The following DIXDC1 variants were observed in gnomAD, a reference collection of about 807,000 sequenced individuals.
DIXDC1 encodes DIX domain containing 1, also known as dixin.
DIXDC1 carries 64 observed loss-of-function variants against 103.1 expected under a neutral mutation model. The ratio of observed to expected loss-of-function variants is 0.62; its 90% confidence interval spans 0.51 to 0.76. The LOEUF (loss-of-function observed/expected upper bound fraction) is 0.76, where lower values mean the gene tolerates loss of function less well. Among genes scored for constraint, DIXDC1 ranks in the 30% least tolerant of loss-of-function variants. The pLI is 0.00. For missense variants in DIXDC1, 759 were observed against 834.2 expected (o/e 0.91, Z 1.11); for synonymous variants, 266 against 298.5 (o/e 0.89, Z 1.12).
rs1860154232 is a variant in DIXDC1 at position 111,977,591 on chromosome 11, G to A, written c.656+2608G>A. The A allele has an allele frequency of 6.0e-6, 9 of 1,506,820 alleles. No homozygotes were observed. The South Asian group carries it at 8.9e-5, about 15-fold the overall frequency. The allele number at this position is 1,506,820 out of a possible 1,614,324, so 93.3% of individuals were successfully genotyped here. On this transcript the variant is annotated intron_variant, in intron 5 of 19. Transcript: ENST00000440460. This position sits in a 1 kb window ranked among gnomAD's most constrained non-coding sequence, Gnocchi z 6.1. ...TCGCTGGGGCCGAGACGCCGCCGCC[G>A]CCGCCGTTCCCGCTTTCTCCCGCGA... is the stretch of plus-strand genomic sequence containing the variant.
chr11:111,970,454 A>G (rs1859881529), intron 3 of DIXDC1, among the ~76,000 whole-genome samples: 1 of 152,210 alleles, frequency 6.6e-6, no homozygotes, highest in African/African-American at 2.4e-5. Context: ...CACACACAAA[A>G]AAGAAATATC....
rs960083760 is a variant in DIXDC1, at chr11:111,937,755, A to C, written c.60+196A>C. On this transcript the variant is annotated intron_variant, in intron 1 of 19. Transcript: ENST00000440460. ...GAAATCAGAAGGGCTGCCTGCCCAC[A>C]GCTAAGCTGGGCCATGACCTTCCCT... Among the ~76,000 whole-genome samples the C allele has an allele frequency of 3.9e-5, 6 of 152,358 alleles. No individual in the cohort carries two copies. In the East Asian group the frequency reaches 1.2e-3, roughly 29 times the overall value.
chr11:111,992,598 G>C, intron 11 of DIXDC1, 79 bp downstream of exon 11: 1 of 1,260,640 alleles, frequency 7.9e-7, no homozygotes, highest in Non-Finnish European at 1.1e-6. Context: ...TATTAGACTG[G>C]CCATCCTAAT....
intron 1 of DIXDC1, among the ~76,000 whole-genome samples, chr11:111,944,512 A>G (rs1287923237): frequency 6.6e-6 from 1 of 152,242 alleles, no homozygotes; most frequent in Non-Finnish European, 1.5e-5. Context: ...GGTCCCAAAG[A>G]AAAACAGGAA....
At chr11:111,936,981 G>A (rs1966209269), upstream of DIXDC1, among the ~76,000 whole-genome samples, 1 of 149,642 alleles carries the variant, frequency 6.7e-6, no homozygotes, top group Admixed American at 6.6e-5. Context: ...CCGCCTGTTT[G>A]TCAACGTGTG....
intron 1 of DIXDC1, among the ~76,000 whole-genome samples, chr11:111,942,956 A>AC (rs782087894): frequency 6.6e-6 from 1 of 152,184 alleles, no homozygotes; most frequent in Admixed American, 6.5e-5. Context: ...GGCAACTTGA[A>AC]CACAAGCACT....
At position 112,020,677 on chromosome 11, in the gene DIXDC1, C is replaced by G. The variant is rs1861728690; in HGVS notation, c.*1641C>G. On this transcript the variant is annotated 3_prime_UTR_variant, in exon 20 of 20. Coordinates refer to ENST00000440460, the MANE Select transcript of DIXDC1 (RefSeq NM_001037954.4). ...TTTATTACGAGTATATTAATGACAA[C>G]TAATTCCTGTTCCAATTCTACCTGT... 1 of 152,186 alleles carries G rather than the reference C, an allele frequency of 6.6e-6. No individual in the cohort carries two copies. The highest frequency in any genetic ancestry group is 1.5e-5 in the Non-Finnish European group (1 of 68,034). The allele number at this position is 152,186 out of a possible 1,614,324, so 9.4% of individuals were successfully genotyped here.
intron 9 of DIXDC1, among the ~76,000 whole-genome samples, chr11:111,988,500 C>T (rs936111029): frequency 4.6e-5 from 7 of 152,140 alleles, no homozygotes; most frequent in African/African-American, 1.7e-4. Context: ...GTTAATTACT[C>T]AGTATTTCAT....
At chr11:112,004,401 A>G (rs989475111) in intron 17 of DIXDC1, among the ~76,000 whole-genome samples, 1 of 152,142 alleles carries the variant, frequency 6.6e-6, no homozygotes, top group Admixed American at 6.6e-5. Context: ...TCCCTGCTCT[A>G]GGCAAAGGTG....
At position 111,977,824 on chromosome 11, in the gene DIXDC1, TG is replaced by T; in HGVS notation, c.656+2847del. On this transcript the variant is annotated intron_variant, in intron 5 of 19. Transcript: ENST00000440460. The surrounding 1 kb of genome is among the most constrained non-coding windows in gnomAD (Gnocchi z 6.1). ...GCTGAAGCCACTCTGGCTTTGGAAG[TG>T]GGGGGCCTGGGTGGGAACAGGGGCA... The T allele has an allele frequency of 1.3e-6, 2 of 1,539,096 alleles. No individual in the cohort carries two copies. The highest frequency in any genetic ancestry group is 8.8e-7 in the Non-Finnish European group (1 of 1,141,896).
At position 111,985,318 on chromosome 11, in the gene DIXDC1, A is replaced by G. The variant is rs1051184045; in HGVS notation, c.1005A>G (p.Gln335=). ...LCEPGVNPEE[Q]LIIIQSRLDQ... is the part of the protein sequence containing the mutation. ...AACCAGGTGTCAATCCCGAGGAACA[A>G]CTGGTGAGCTCCATCTTTTGTGATT... The change falls in exon 8 of 20, where the codon CAA becomes CAG. Residue 335 remains glutamine, a synonymous_variant. Coordinates refer to ENST00000440460, the MANE Select transcript of DIXDC1 (RefSeq NM_001037954.4). 8.7e-6 allele frequency: 14 copies of G among 1,611,554 alleles called. No individual in the cohort carries two copies. The highest frequency in any genetic ancestry group is 1.1e-5 in the Non-Finnish European group (13 of 1,178,790).
intron 16 of DIXDC1, among the ~76,000 whole-genome samples, chr11:111,995,775 A>G (rs1860878900): frequency 6.6e-6 from 1 of 151,968 alleles, no homozygotes; most frequent in African/African-American, 2.4e-5. Context: ...ACTTGCTCCC[A>G]GCAACTGTAG....
At chr11:111,940,378 A>G (rs1555168696) in intron 1 of DIXDC1, among the ~76,000 whole-genome samples, 1 of 152,196 alleles carries the variant, frequency 6.6e-6, no homozygotes, top group East Asian at 1.9e-4. Flanking sequence ...CCTGGCTGTC[A>G]TCCCCCATTT....
At chr11:111,957,038 T>C (rs1441480188) in intron 1 of DIXDC1, among the ~76,000 whole-genome samples, 1 of 151,904 alleles carries the variant, frequency 6.6e-6, no homozygotes, top group Non-Finnish European at 1.5e-5. Context: ...CTGAGCATGG[T>C]GGTGCATGCC....
intron 1 of DIXDC1, among the ~76,000 whole-genome samples, chr11:111,940,134 G>A (rs1045944339): frequency 1.3e-5 from 2 of 152,220 alleles, no homozygotes; most frequent in African/African-American, 2.4e-5. Flanking sequence ...CCTGCCCTCT[G>A]AATCCTGGCT....
intron 11 of DIXDC1, 143 bp downstream of exon 11, chr11:111,992,662 C>T (rs1592606300): frequency 2.6e-6 from 2 of 756,474 alleles, no homozygotes; most frequent in East Asian, 2.7e-5. Flanking sequence ...TATTTTTATT[C>T]CCCATTAGAC....
intron 3 of DIXDC1, among the ~76,000 whole-genome samples, chr11:111,972,531 C>T (rs1859969665): frequency 6.6e-6 from 1 of 152,168 alleles, no homozygotes; most frequent in Non-Finnish European, 1.5e-5. Flanking sequence ...TCATGCCACT[C>T]CTCCGTATCT....
chr11:111,993,507 G>A lies in DIXDC1; in HGVS notation c.1284G>A (p.Gly428=). 1.2e-6 allele frequency: 2 copies of A among 1,613,992 alleles called. No individual in the cohort carries two copies. Among genetic ancestry groups the A allele is most frequent in the Non-Finnish European group, 1.7e-6 (2 of 1,179,884 alleles). ...TATCTTTATTGCAGAAAGAGCTGGG[G>A]CAGAAGGATCGCCTTCTTCAGCAGC... ...RLLGEYKKEL[G]QKDRLLQQHQ... The change falls in exon 13 of 20, where the codon GGG becomes GGA. Residue 428 remains glycine, a synonymous_variant. Coordinates refer to ENST00000440460, the MANE Select transcript of DIXDC1 (RefSeq NM_001037954.4).
In DIXDC1 at chr11:112,016,706, A is replaced by G; in HGVS notation, c.1772A>G (p.Gln591Arg). ...WPPNSKLPHS[Q>R]SSPTVSSTCT... is the part of the protein sequence containing the mutation. ...CTGATTGTAGAGTTGCCTCACTCACAGAGCTCTCCAACTGTCAGCAGCACC... is the reference window on the plus strand; with the variant it reads ...CTGATTGTAGAGTTGCCTCACTCACGGAGCTCTCCAACTGTCAGCAGCACC... Residue 591 changes from glutamine to arginine, a missense_variant, in exon 18 of 20, where the codon CAG becomes CGG. Gln to Arg is a conservative substitution (Grantham distance 43). Coordinates refer to ENST00000440460, the MANE Select transcript of DIXDC1 (RefSeq NM_001037954.4). 1 of 1,603,906 alleles carries G rather than the reference A, an allele frequency of 6.2e-7. No homozygotes were observed. The highest frequency in any genetic ancestry group is 1.1e-5 in the South Asian group (1 of 89,118).
Sources: allele counts gnomAD v4.1 joint callset (sites outside exome capture counted in the v4.1 genomes callset), GRCh38; gene constraint gnomAD v4.1.1; non-coding constraint Gnocchi (gnomAD v3.1); transcripts MANE v1.5; gene names NCBI Gene and HGNC (gene_info 2026-07-23, HGNC 2026-07-21).